NAV2: variants seen among roughly 807,000 people sequenced by gnomAD.
The protein encoded by NAV2 is helicase, APC down-regulated 1.
In NAV2, 54 loss-of-function variants were observed where a neutral mutation model predicts 223.2. The observed-to-expected ratio is 0.24, with a 90% CI of 0.19 to 0.30. NAV2 has a LOEUF of 0.30. NAV2 is among the 10% of genes least tolerant of loss of function. NAV2 has a pLI of 1.00. For missense variants in NAV2, 2,806 were observed against 3,147.5 expected (o/e 0.89, Z 2.60); for synonymous variants, 1,279 against 1,239.3 (o/e 1.03, Z -0.67).
intron 1 of NAV2, among the ~76,000 whole-genome samples, chr11:19,418,030 G>A (rs1269101732): frequency 2.0e-5 from 3 of 152,122 alleles, no homozygotes. Flanking sequence ...ATGATGGGTT[G>A]ATGGGTCCAG....
intron 1 of NAV2, among the ~76,000 whole-genome samples, chr11:19,616,644 G>C (rs951078840): frequency 6.6e-6 from 1 of 151,872 alleles, no homozygotes; most frequent in African/African-American, 2.4e-5. Context: ...GGGAGGACAG[G>C]GCTGTCCTGC....
chr11:19,684,616 G>T (rs922163221), intron 1 of NAV2, among the ~76,000 whole-genome samples: 6 of 152,012 alleles, frequency 3.9e-5, no homozygotes, highest in African/African-American at 1.5e-4. Flanking sequence ...CTCTCCAAGG[G>T]CACGGCCAAG....
chr11:19,938,632 A>G (rs1411544161), intron 7 of NAV2, among the ~76,000 whole-genome samples: 1 of 152,240 alleles, frequency 6.6e-6, no homozygotes, highest in African/African-American at 2.4e-5. Flanking sequence ...TGCCATTTGT[A>G]ACCTCTAGGT....
At chr11:19,858,704 A>C (rs1455791261) in intron 3 of NAV2, among the ~76,000 whole-genome samples, 1 of 152,218 alleles carries the variant, frequency 6.6e-6, no homozygotes, top group African/African-American at 2.4e-5. Flanking sequence ...CATGCAACTC[A>C]ATAGAAGAGA....
chr11:19,857,776 A>G (rs892448347), intron 3 of NAV2, among the ~76,000 whole-genome samples: 2 of 152,256 alleles, frequency 1.3e-5, no homozygotes, highest in Admixed American at 6.5e-5. Context: ...TATACATTGT[A>G]TAATGATTTC....
In NAV2 at chr11:20,054,128, G is replaced by T. The variant is rs1341826959; in HGVS notation, c.4530G>T (p.Trp1510Cys). 6.2e-7 allele frequency: 1 copy of T among 1,613,334 alleles called. No individual in the cohort carries two copies. The highest frequency in any genetic ancestry group is 1.3e-5 in the African/African-American group (1 of 74,860). ...QLRTQEDAKE[W>C]LRSHSAGGLQ... ...GCACGCAAGAAGATGCAAAAGAATG[G>T]TTACGGTCCCATTCTGCAGGAGGCC... is the stretch of plus-strand genomic sequence containing the variant. The change falls in exon 18 of 38, where the codon TGG becomes TGT. Residue 1510 changes from tryptophan to cysteine, a missense_variant. Trp to Cys is a radical substitution (Grantham distance 215, BLOSUM62 -2). Coordinates refer to ENST00000349880, the MANE Select transcript of NAV2 (RefSeq NM_145117.5).
At chr11:19,602,484 G>T (rs931451480) in intron 1 of NAV2, among the ~76,000 whole-genome samples, 14 of 152,010 alleles carry the variant, frequency 9.2e-5, no homozygotes, top group Non-Finnish European at 1.2e-4. Context: ...CCACTTCTCT[G>T]CAAGTCTTGA....
intron 1 of NAV2, among the ~76,000 whole-genome samples, chr11:19,417,646 G>A (rs888162229): frequency 5.9e-5 from 9 of 152,182 alleles, no homozygotes; most frequent in Non-Finnish European, 1.2e-4. Context: ...ACATGCACAC[G>A]CATGTTTATT....
At chr11:19,568,462 C>G (rs2045333270) in intron 1 of NAV2, among the ~76,000 whole-genome samples, 1 of 152,122 alleles carries the variant, frequency 6.6e-6, no homozygotes, top group Non-Finnish European at 1.5e-5. Flanking sequence ...GAGCCCAGTT[C>G]TGGATTGTGA....
intron 5 of NAV2, among the ~76,000 whole-genome samples, chr11:19,883,013 T>A (rs529494111): frequency 1.3e-5 from 2 of 152,212 alleles, no homozygotes; most frequent in East Asian, 3.8e-4. Flanking sequence ...ATTACATCAG[T>A]GGCTCGGTCT....
chr11:20,116,218 C>G (rs1428351806), intron 37 of NAV2, among the ~76,000 whole-genome samples: 2 of 152,076 alleles, frequency 1.3e-5, no homozygotes, highest in Non-Finnish European at 2.9e-5. Flanking sequence ...TAAAAGACAA[C>G]TGATTTACTG....
intron 1 of NAV2, among the ~76,000 whole-genome samples, chr11:19,490,516 A>T (rs956776663): frequency 2.0e-5 from 3 of 152,202 alleles, no homozygotes; most frequent in Non-Finnish European, 4.4e-5. Context: ...TTCTTTGCAC[A>T]TCCATAAGAA....
chr11:19,621,376 G>A (rs772818161), intron 1 of NAV2, among the ~76,000 whole-genome samples: 24 of 152,254 alleles, frequency 1.6e-4, no homozygotes, highest in Middle Eastern at 6.8e-3. Flanking sequence ...CTGTGAATCC[G>A]TCTGGTCCTG....
At chr11:19,823,262 C>A (rs1565376943) in intron 1 of NAV2, among the ~76,000 whole-genome samples, 1 of 152,142 alleles carries the variant, frequency 6.6e-6, no homozygotes, top group Non-Finnish European at 1.5e-5. Flanking sequence ...GGCTGGAGTG[C>A]AATGGCGTGT....
At chr11:20,044,826 A>C in intron 13 of NAV2, 142 bp from the exon 14 acceptor site, 1 of 647,458 alleles carries the variant, frequency 1.5e-6, no homozygotes, top group East Asian at 2.7e-5. Context: ...AGTAGACTAT[A>C]TTATTTTTAT....
At chr11:19,428,610 A>G (rs897224568) in intron 1 of NAV2, among the ~76,000 whole-genome samples, 4 of 152,214 alleles carry the variant, frequency 2.6e-5, no homozygotes, top group African/African-American at 9.7e-5. Context: ...TGATACTTGA[A>G]TGCGAAATTT....
intron 1 of NAV2, among the ~76,000 whole-genome samples, chr11:19,778,997 C>T (rs2056516953): frequency 6.6e-6 from 1 of 152,134 alleles, no homozygotes; most frequent in South Asian, 2.1e-4. Flanking sequence ...CGTGGAGCCT[C>T]CCAGGGGATG....
At chr11:19,800,840 C>A (rs2058209996) in intron 1 of NAV2, among the ~76,000 whole-genome samples, 1 of 152,024 alleles carries the variant, frequency 6.6e-6, no homozygotes, top group South Asian at 2.1e-4. Context: ...ACCTGGGATC[C>A]CAGTCTGGTC....
rs992444660 is a variant in NAV2, at chr11:19,884,276, T to C, written c.770+4149T>C. On this transcript the variant is annotated intron_variant, in intron 5 of 37. Transcript: ENST00000349880. ...CTCCTCATTCAGCTCTTCCACTTTTTTCTTTCCTATCATGCAGTGCATCAT... is the reference window on the plus strand; with the variant it reads ...CTCCTCATTCAGCTCTTCCACTTTTCTCTTTCCTATCATGCAGTGCATCAT... The C allele has an allele frequency of 2.5e-6, 4 of 1,601,836 alleles. 1 individual carries two copies. The highest frequency in any genetic ancestry group is 3.4e-6 in the Non-Finnish European group (4 of 1,169,182).
Sources: gnomAD v4.1 joint callset for allele counts (sites outside exome capture counted in the v4.1 genomes callset) on GRCh38, gnomAD v4.1.1 for gene constraint, MANE v1.5 for transcripts, NCBI Gene and HGNC (gene_info 2026-07-23, HGNC 2026-07-21) for gene names.